PMPCB: variants seen among roughly 807,000 people sequenced by gnomAD.
The protein encoded by PMPCB is peptidase, mitochondrial processing subunit beta, also known as mitochondrial-processing peptidase subunit beta.
PMPCB carries 46 observed loss-of-function variants against 61.5 expected under a neutral mutation model. The observed-to-expected ratio is 0.75, with a 90% CI of 0.59 to 0.96. The LOEUF is 0.96. PMPCB is among the 40% of genes least tolerant of loss of function. The pLI, the probability that PMPCB is intolerant of heterozygous loss-of-function variation, is 0.00. For synonymous variants in PMPCB, 191 were observed against 201.6 expected (o/e 0.95, Z 0.44); for missense variants, 590 against 602.4 (o/e 0.98, Z 0.22).
At chr7:103,310,500 T>G in intron 9 of PMPCB, 25 bp downstream of exon 9, 2 of 1,563,086 alleles carry the variant, frequency 1.3e-6, no homozygotes, top group Non-Finnish European at 8.7e-7. Context: ...TTTAAGTAAT[T>G]TAAATTTTGC....
downstream of PMPCB, chr7:103,316,582 A>G (rs1176328456): frequency 2.2e-6 from 1 of 448,232 alleles, no homozygotes; most frequent in African/African-American, 2.0e-5. Flanking sequence ...AACATAAATC[A>G]AGACTTGTCT....
intron 6 of PMPCB, among the ~76,000 whole-genome samples, chr7:103,306,748 T>G (rs892430255): frequency 1.3e-5 from 2 of 152,102 alleles, no homozygotes; most frequent in East Asian, 3.9e-4. Flanking sequence ...CAGCTTTCTT[T>G]TATTTATTTA....
At chr7:103,307,969 G>A (rs1817633020) in intron 7 of PMPCB, among the ~76,000 whole-genome samples, 2 of 152,204 alleles carry the variant, frequency 1.3e-5, no homozygotes, top group Non-Finnish European at 2.9e-5. Context: ...GTTTTTAAGA[G>A]CAGTTTATAA....
In PMPCB at chr7:103,322,197, CTT is replaced by C. The variant is rs529603989; in HGVS notation, c.*1432-6733_*1432-6732del. The C allele has an allele frequency of 8.5e-4, 681 of 798,270 alleles. 2 individuals carry two copies. In the African/African-American group the frequency reaches 0.011, roughly 12 times the overall value. The allele number at this position is 798,270 out of a possible 1,614,324, so 49.4% of individuals were successfully genotyped here. The stretch of plus-strand genomic sequence containing the variant: ...ATATTAGGAAAAAAGGCAACATAAA[CTT>C]ATTGAAAACTGAAGGATGAACTCGG... On this transcript the variant is annotated intron_variant and NMD_transcript_variant, in intron 12 of 12. Transcript: ENST00000444457.
rs1406684208 is a variant in PMPCB, at chr7:103,312,560, C to CAAAG, written c.*291_*294dup. On this transcript the variant is annotated 3_prime_UTR_variant, in exon 13 of 13. Coordinates refer to ENST00000249269, the MANE Select transcript of PMPCB (RefSeq NM_004279.3). The stretch of plus-strand genomic sequence containing the variant: ...TTTTATTATAAAAATGCACACACAA[C>CAAAG]AAAGATTGTCATTTCTTGGCTCTAC... The CAAAG allele has an allele frequency of 6.2e-7, 1 of 1,609,668 alleles. No individual in the cohort carries two copies. The highest frequency in any genetic ancestry group is 1.7e-5 in the Admixed American group (1 of 58,978).
At chr7:103,310,945 C>T (rs1252913029) in intron 9 of PMPCB, 2 of 152,460 alleles carry the variant, frequency 1.3e-5, no homozygotes, top group Admixed American at 6.5e-5. Context: ...TCTCAGCCTC[C>T]CAAAGTGCTG....
chr7:103,304,583 T>G, intron 6 of PMPCB, 93 bp downstream of exon 6: 1 of 823,462 alleles, frequency 1.2e-6, no homozygotes, highest in Non-Finnish European at 2.1e-6. Context: ...ACCCTAAGAA[T>G]TTTCATTTAC....
intron 6 of PMPCB, 87 bp downstream of exon 6, chr7:103,304,577 T>A: frequency 1.2e-6 from 1 of 863,578 alleles, no homozygotes; most frequent in Non-Finnish European, 2.0e-6. Flanking sequence ...GGAGATACCC[T>A]AAGAATTTTC....
intron 8 of PMPCB, 35 bp from the exon 9 acceptor site, chr7:103,310,280 A>G: frequency 6.4e-7 from 1 of 1,571,270 alleles, no homozygotes; most frequent in Non-Finnish European, 8.7e-7. Flanking sequence ...GACATGTATA[A>G]TTAAAATTCT....
chr7:103,297,611 C>G (rs1261900535), intron 1 of PMPCB, 53 bp downstream of exon 1: 2 of 1,607,240 alleles, frequency 1.2e-6, no homozygotes. Context: ...AGACCCGGCG[C>G]AGCGCACCTG....
chr7:103,318,137 T>G (rs1170216756), downstream of PMPCB, among the ~76,000 whole-genome samples: 1 of 152,152 alleles, frequency 6.6e-6, no homozygotes, highest in Admixed American at 6.5e-5. Context: ...CTGATTTTGT[T>G]TCCCACTCCA....
At chr7:103,326,407 A>G (rs367841741) in intron 12 of PMPCB, 20 of 835,452 alleles carry the variant, frequency 2.4e-5, no homozygotes, top group South Asian at 1.2e-4. Context: ...TATTGCAGAG[A>G]AGGAGGAGGA....
chr7:103,301,001 C>A (rs1418253329), intron 4 of PMPCB, among the ~76,000 whole-genome samples: 1 of 152,138 alleles, frequency 6.6e-6, no homozygotes, highest in Non-Finnish European at 1.5e-5. Flanking sequence ...AAATTTTTAA[C>A]CTTTAAGGTC....
In PMPCB at chr7:103,312,067, T is replaced by G; in HGVS notation, c.1341T>G (p.Ala447=). 6.2e-7 allele frequency: 1 copy of G among 1,613,554 alleles called. No individual in the cohort carries two copies. The highest frequency in any genetic ancestry group is 8.5e-7 in the Non-Finnish European group (1 of 1,179,606). ...CTTCCATATTTCAGGCTGTGAATGCTGAGACAATTCGAGAAGTATGTACCA... is the reference window on the plus strand; with the variant it reads ...CTTCCATATTTCAGGCTGTGAATGCGGAGACAATTCGAGAAGTATGTACCA... ...ELEARIDAVN[A]ETIREVCTKY... The change falls in exon 12 of 13, where the codon GCT becomes GCG. Residue 447 remains alanine (A), a synonymous_variant. Transcript: ENST00000249269.
At chr7:103,324,190 TCCTC>T (rs2115904500) in intron 12 of PMPCB, among the ~76,000 whole-genome samples, 1 of 152,346 alleles carries the variant, frequency 6.6e-6, no homozygotes, top group Non-Finnish European at 1.5e-5. Context: ...ACTGTCTCCT[TCCTC>T]ATGAACTCAA....
chr7:103,326,694 A>G (rs774154875), intron 12 of PMPCB: 32 of 1,597,966 alleles, frequency 2.0e-5, no homozygotes, highest in Non-Finnish European at 2.6e-6. Context: ...GCTGAGAAAA[A>G]AATTGTTAAG....
chr7:103,328,163 C>G (rs1818805677), intron 12 of PMPCB, among the ~76,000 whole-genome samples: 1 of 151,790 alleles, frequency 6.6e-6, no homozygotes, highest in Admixed American at 6.6e-5. Context: ...CTCAGGTGAT[C>G]CACCCGCCTC....
chr7:103,340,010 G>C, the PMPCB span, among the ~76,000 whole-genome samples: 1 of 152,140 alleles, frequency 6.6e-6, no homozygotes, highest in African/African-American at 2.4e-5. Flanking sequence ...GGCTAATTTT[G>C]TATTTTTAGT....
chr7:103,344,051 G>A, the PMPCB span, among the ~76,000 whole-genome samples: 6 of 152,204 alleles, frequency 3.9e-5, no homozygotes, highest in Non-Finnish European at 1.5e-5. Flanking sequence ...CAAAGTCTAC[G>A]CGGATCTTTT....
Sources: allele counts gnomAD v4.1 joint callset (sites outside exome capture counted in the v4.1 genomes callset), GRCh38; gene constraint gnomAD v4.1.1; transcripts MANE v1.5; gene names NCBI Gene and HGNC (gene_info 2026-07-23, HGNC 2026-07-21).